The following NFYA variants were observed in gnomAD, a reference collection of about 807,000 sequenced individuals.
NFYA encodes the protein CAAT-box DNA binding protein subunit A.
A neutral mutation model predicts 52.8 loss-of-function variants in NFYA; 28 were observed. That is an observed-to-expected ratio of 0.53 (90% confidence interval 0.39 to 0.73). NFYA has a LOEUF of 0.73. Ranked by LOEUF, NFYA falls within the 30% of genes least tolerant of loss-of-function variation. The pLI is 0.00. For synonymous variants in NFYA, 150 were observed against 150.7 expected, an observed-to-expected ratio of 1.00 and a Z score of 0.03; for missense variants, 234 against 427.0, an observed-to-expected ratio of 0.55 and a Z score of 3.98.
In NFYA at chr6:41,089,068, C is replaced by T. The variant is rs993158818; in HGVS notation, c.310-511C>T. 6.6e-5 allele frequency among the ~76,000 whole-genome samples: 10 copies of T among 152,288 alleles called. No homozygotes were observed. In the South Asian group the frequency reaches 1.0e-3, roughly 16 times the overall value. ...TGGCGTGATCTCGGCTCACTGCAAC[C>T]TCCGCCTCCGGTTCAAGTGATTTTC... On this transcript the variant is annotated intron_variant, in intron 4 of 9. Transcript: ENST00000341376.
chr6:41,090,150 C>A, intron 5 of NFYA, 54 bp from the exon 6 acceptor site: 1 of 1,190,468 alleles, frequency 8.4e-7, no homozygotes, highest in South Asian at 1.2e-5. Context: ...CTACATCGTT[C>A]TTTGTTAGTA....
At chr6:41,088,988 A>AT (rs1764122306) in intron 4 of NFYA, among the ~76,000 whole-genome samples, 1 of 151,620 alleles carries the variant, frequency 6.6e-6, no homozygotes, top group Admixed American at 6.6e-5. Context: ...AGTGTATTTT[A>AT]TTTTTTTATT....
intron 7 of NFYA, among the ~76,000 whole-genome samples, 155 bp downstream of exon 7, chr6:41,091,849 T>C (rs1764205374): frequency 6.6e-6 from 1 of 152,204 alleles, no homozygotes; most frequent in African/African-American, 2.4e-5. Context: ...TGACAAACCA[T>C]AATTCATTCT....
At chr6:41,073,386 T>C (rs1403367785) in intron 1 of NFYA, among the ~76,000 whole-genome samples, 1 of 151,806 alleles carries the variant, frequency 6.6e-6, no homozygotes, top group Non-Finnish European at 1.5e-5. Flanking sequence ...GTTCCCCGAC[T>C]CAGGCCCAGG....
chr6:41,090,742 C>A (rs1764178433), intron 6 of NFYA, among the ~76,000 whole-genome samples: 1 of 152,084 alleles, frequency 6.6e-6, no homozygotes. Flanking sequence ...AGCCTCTAGT[C>A]TAGTAAGAAA....
At chr6:41,075,020 A>G (rs899317358) in intron 1 of NFYA, among the ~76,000 whole-genome samples, 2 of 152,196 alleles carry the variant, frequency 1.3e-5, no homozygotes, top group African/African-American at 4.8e-5. Flanking sequence ...GTGCTCTTTC[A>G]TTACTAAAAC....
rs1337598691 is a variant in NFYA, at chr6:41,101,810, G to C, written c.*4400G>C. On this transcript the variant is annotated 3_prime_UTR_variant, in exon 10 of 10. Transcript: ENST00000341376. ...CATCTCCAGCTCTTGGAAGCAGAGA[G>C]GGTGGTCCTTTGGATTCCCAGTGGC... Among the ~76,000 whole-genome samples, 3 of 151,022 alleles carry C rather than the reference G, an allele frequency of 2.0e-5. No individual in the cohort carries two copies. The highest frequency in any genetic ancestry group is 1.9e-4 in the East Asian group (1 of 5,158).
intron 6 of NFYA, among the ~76,000 whole-genome samples, chr6:41,091,045 C>G (rs563557235): frequency 2.6e-4 from 39 of 152,290 alleles, no homozygotes; most frequent in African/African-American, 7.9e-4. Flanking sequence ...AGAGCTCAAA[C>G]AGAATGGTGA....
chr6:41,093,105 G>A lies in NFYA; in HGVS notation c.888+20G>A, dbSNP rs763219996. The A allele has an allele frequency of 1.9e-5, 30 of 1,604,960 alleles. No individual in the cohort carries two copies. The highest frequency in any genetic ancestry group is 2.5e-5 in the Non-Finnish European group (29 of 1,174,132). ...AGAAGGGTATGTATAACATTGGGAA[G>A]GATATAGGAAAGGAGAATAGCAGGG... On this transcript the variant is annotated intron_variant, in intron 8 of 9. Coordinates refer to ENST00000341376, the MANE Select transcript of NFYA (RefSeq NM_002505.5).
Position 41,097,591 on chromosome 6 carries a change from G to A in NFYA, c.*181G>A, listed in dbSNP as rs1764397647. ...CAGCGATGCCTGGCAAATTGAAGTT[G>A]CAAGCCTTTGTCTTACTCTTTCAGT... On this transcript the variant is annotated 3_prime_UTR_variant, in exon 10 of 10. Transcript: ENST00000341376. 1 of 601,788 alleles carries A rather than the reference G, an allele frequency of 1.7e-6. No homozygotes were observed. Among genetic ancestry groups the A allele is most frequent in the Non-Finnish European group, 2.9e-6 (1 of 340,286 alleles). The allele number at this position is 601,788 out of a possible 1,614,324, so 37.3% of individuals were successfully genotyped here.
intron 4 of NFYA, among the ~76,000 whole-genome samples, chr6:41,087,495 C>CT (rs1764079871): frequency 6.6e-6 from 1 of 152,176 alleles, no homozygotes; most frequent in Admixed American, 6.5e-5. Context: ...CTATAAAAAT[C>CT]TATCTTTCTG....
intron 3 of NFYA, among the ~76,000 whole-genome samples, chr6:41,083,537 T>C (rs898346635): frequency 2.6e-5 from 4 of 152,176 alleles, no homozygotes; most frequent in Non-Finnish European, 5.9e-5. Context: ...AAAAGGGTCA[T>C]CCTCTACATA....
intron 9 of NFYA, among the ~76,000 whole-genome samples, chr6:41,097,074 GAAC>G (rs1260324199): frequency 6.6e-6 from 1 of 152,154 alleles, no homozygotes; most frequent in Non-Finnish European, 1.5e-5. Flanking sequence ...TAAGTATAGA[GAAC>G]AACACAAGGT....
intron 4 of NFYA, among the ~76,000 whole-genome samples, chr6:41,084,638 C>G (rs1043333872): frequency 6.6e-6 from 1 of 152,154 alleles, no homozygotes; most frequent in Non-Finnish European, 1.5e-5. Context: ...GATTGAGAAA[C>G]AGAAAACAAA....
chr6:41,099,497 A>G lies in NFYA; in HGVS notation c.*2087A>G, dbSNP rs757509507. On this transcript the variant is annotated 3_prime_UTR_variant, in exon 10 of 10. Transcript: ENST00000341376. Reference sequence around the variant, plus strand: ...GAAATGCTTCAGTTGTCATTTTGTCATTGCATTTCAAATAGCTCATGACCC... The same window carrying G: ...GAAATGCTTCAGTTGTCATTTTGTCGTTGCATTTCAAATAGCTCATGACCC... 3.9e-5 allele frequency: 6 copies of G among 152,180 alleles called. No homozygotes were observed. Among genetic ancestry groups the G allele is most frequent in the Non-Finnish European group, 5.9e-5 (4 of 68,024 alleles). 9.4% of individuals were successfully genotyped at this position (152,180 alleles called of 1,614,324 possible). A position where few individuals can be genotyped will look rare whatever the true frequency, so the allele number is the denominator to read the frequency against.
intron 4 of NFYA, among the ~76,000 whole-genome samples, chr6:41,086,766 A>G (rs1174431502): frequency 1.3e-5 from 2 of 152,190 alleles, no homozygotes; most frequent in African/African-American, 4.8e-5. Context: ...GTTGGCATAT[A>G]ATAAAAGTGG....
chr6:41,080,712 G>A, intron 2 of NFYA, 99 bp from the exon 3 acceptor site: 1 of 955,128 alleles, frequency 1.0e-6, no homozygotes, highest in Non-Finnish European at 1.6e-6. Flanking sequence ...AAGTCCTTCA[G>A]GCTTCCGTCT....
intron 4 of NFYA, among the ~76,000 whole-genome samples, chr6:41,087,724 A>G (rs1582030571): frequency 6.6e-6 from 1 of 152,202 alleles, no homozygotes; most frequent in East Asian, 1.9e-4. Flanking sequence ...CTTAAAAAAA[A>G]AAGTGTTCAC....
In NFYA at chr6:41,100,288, C is replaced by T. The variant is rs915137648; in HGVS notation, c.*2878C>T. Among the ~76,000 whole-genome samples, 4 of 152,156 alleles carry T rather than the reference C, an allele frequency of 2.6e-5. No individual in the cohort carries two copies. The highest frequency in any genetic ancestry group is 6.5e-5 in the Admixed American group (1 of 15,286). ...AATTAGCCGTTATCACAAAAACAGC[C>T]TTAAGTATTGTAGAATTTCAGGTAG... On this transcript the variant is annotated 3_prime_UTR_variant, in exon 10 of 10. Coordinates refer to ENST00000341376, the MANE Select transcript of NFYA (RefSeq NM_002505.5).
Sources: gnomAD v4.1 joint callset for allele counts (sites outside exome capture counted in the v4.1 genomes callset) on GRCh38, gnomAD v4.1.1 for gene constraint, MANE v1.5 for transcripts, NCBI Gene and HGNC (gene_info 2026-07-23, HGNC 2026-07-21) for gene names.